ADIPOQ: variants seen among roughly 807,000 people sequenced by gnomAD.
ADIPOQ encodes adiponectin.
ADIPOQ carries 19 observed loss-of-function variants against 16.1 expected under a neutral mutation model. That is an observed-to-expected ratio of 1.18 (90% CI 0.82 to 1.73). The LOEUF (loss-of-function observed/expected upper bound fraction) is 1.73. Among genes scored for constraint, ADIPOQ ranks in the 40% most tolerant of loss-of-function variants. ADIPOQ has a pLI of 0.00. For synonymous variants in ADIPOQ, 124 were observed against 125.5 expected (o/e 0.99, Z 0.08); for missense variants, 323 against 308.3 (o/e 1.05, Z -0.36).
chr3:186,844,146 G>A (rs921679836), intron 1 of ADIPOQ, among the ~76,000 whole-genome samples: 3 of 152,136 alleles, frequency 2.0e-5, no homozygotes, highest in Non-Finnish European at 2.9e-5. Flanking sequence ...CAGGGAGCCC[G>A]GCAGCTTCCT....
In ADIPOQ at chr3:186,851,074, G is replaced by T. The variant is rs141087579; in HGVS notation, c.-8-1977G>T. 1.1e-3 allele frequency among the ~76,000 whole-genome samples: 168 copies of T among 152,256 alleles called. 1 individual carries two copies. Among genetic ancestry groups the T allele is most frequent in the Non-Finnish European group, 2.1e-3 (142 of 68,006 alleles). On this transcript the variant is annotated intron_variant, in intron 1 of 2. Coordinates refer to ENST00000320741, the MANE Select transcript of ADIPOQ (RefSeq NM_004797.4). ...AGGCCCATGTTTTTGGGGTGAGATT[G>T]CCAATCACGGTCTTTCTTCCATCCC...
intron 1 of ADIPOQ, among the ~76,000 whole-genome samples, chr3:186,843,903 G>A (rs74577862): frequency 0.019 from 2,859 of 152,202 alleles, 46 homozygotes; most frequent in South Asian, 0.054. Flanking sequence ...AGGGATTTTA[G>A]AGGTTAGGTC....
At chr3:186,844,102 G>A (rs1711516006) in intron 1 of ADIPOQ, among the ~76,000 whole-genome samples, 2 of 152,206 alleles carry the variant, frequency 1.3e-5, no homozygotes, top group African/African-American at 2.4e-5. Context: ...GGAGCATGAT[G>A]GTGTCAGCTT....
chr3:186,854,393 C>T lies in ADIPOQ; in HGVS notation c.424C>T (p.His142Tyr). ...CAAGATCTTCTACAATCAGCAAAACCACTATGATGGCTCCACTGGTAAATT... is the reference window on the plus strand; with the variant it reads ...CAAGATCTTCTACAATCAGCAAAACTACTATGATGGCTCCACTGGTAAATT... ...FTKIFYNQQNHYDGSTGKFHC... is the reference protein window; with the variant it reads ...FTKIFYNQQNYYDGSTGKFHC... Residue 142 changes from histidine (H) to tyrosine (Y), a missense_variant, in exon 3 of 3, where the codon CAC (histidine) becomes TAC (tyrosine). Physicochemically the swap from His to Tyr is moderately conservative, Grantham distance 83. Transcript: ENST00000320741. 1 of 1,614,224 alleles carries T rather than the reference C, an allele frequency of 6.2e-7. No homozygotes were observed. The highest frequency in any genetic ancestry group is 8.5e-7 in the Non-Finnish European group (1 of 1,180,038).
intron 1 of ADIPOQ, among the ~76,000 whole-genome samples, chr3:186,849,541 C>G (rs1711678068): frequency 6.6e-6 from 1 of 152,062 alleles, no homozygotes; most frequent in Non-Finnish European, 1.5e-5. Flanking sequence ...CTGAATTCTT[C>G]AAATTCAGTA....
At position 186,853,181 on chromosome 3, in the gene ADIPOQ, G is replaced by A. The variant is rs202071028; in HGVS notation, c.123G>A (p.Ala41=). ...AGGGGGCCTGCACAGGTTGGATGGC[G>A]GGCATCCCAGGGCATCCGGGCCATA... is the stretch of plus-strand genomic sequence containing the variant. ...LPKGACTGWM[A]GIPGHPGHNG... The change falls in exon 2 of 3, where the codon GCG becomes GCA. Residue 41 remains alanine, a synonymous_variant. Transcript: ENST00000320741. 87 of 1,614,022 alleles carry A rather than the reference G, an allele frequency of 5.4e-5. 1 individual carries two copies. Among genetic ancestry groups the A allele is most frequent in the Middle Eastern group, 1.6e-4 (1 of 6,062 alleles).
In ADIPOQ at chr3:186,853,167, A is replaced by G; in HGVS notation, c.109A>G (p.Thr37Ala). 1.2e-6 allele frequency: 2 copies of G among 1,614,196 alleles called. No homozygotes were observed. Among genetic ancestry groups the G allele is most frequent in the Non-Finnish European group, 1.7e-6 (2 of 1,180,012 alleles). Reference protein sequence around the residue: ...VLLPLPKGACTGWMAGIPGHP... With the variant: ...VLLPLPKGACAGWMAGIPGHP... ...GCTTCCCCTGCCCAAGGGGGCCTGC[A>G]CAGGTTGGATGGCGGGCATCCCAGG... The change falls in exon 2 of 3, where the codon ACA becomes GCA. Residue 37 changes from threonine (T) to alanine (A), a missense_variant. Physicochemically the swap from Thr to Ala is moderately conservative, Grantham distance 58. Coordinates refer to ENST00000320741, the MANE Select transcript of ADIPOQ (RefSeq NM_004797.4).
In ADIPOQ at chr3:186,854,316, G is replaced by C. The variant is rs746715860; in HGVS notation, c.347G>C (p.Ser116Thr). The change falls in exon 3 of 3, where the codon AGT becomes ACT. Residue 116 changes from serine to threonine, a missense_variant. By Grantham distance (58) the Ser-to-Thr change is moderately conservative. Coordinates refer to ENST00000320741, the MANE Select transcript of ADIPOQ (RefSeq NM_004797.4). ...EGAYVYRSAF[S>T]VGLETYVTIP... ...GCCTATGTATACCGCTCAGCATTCA[G>C]TGTGGGATTGGAGACTTACGTTACT... is the stretch of plus-strand genomic sequence containing the variant. The C allele has an allele frequency of 6.2e-7, 1 of 1,614,234 alleles. No homozygotes were observed. The highest frequency in any genetic ancestry group is 8.5e-7 in the Non-Finnish European group (1 of 1,180,042).
chr3:186,855,562 A>T lies in ADIPOQ; in HGVS notation c.*858A>T, dbSNP rs200054851. ...CTCCTTCTCCTGGGTCCAAGCAATT[A>T]TTGTGCCTCAGCCTCCCGAGTAGCT... On this transcript the variant is annotated 3_prime_UTR_variant, in exon 3 of 3. Coordinates refer to ENST00000320741, the MANE Select transcript of ADIPOQ (RefSeq NM_004797.4). 3.3e-5 allele frequency: 5 copies of T among 151,246 alleles called. No homozygotes were observed. Among genetic ancestry groups the T allele is most frequent in the Non-Finnish European group, 7.4e-5 (5 of 67,900 alleles). 9.4% of individuals were successfully genotyped at this position (151,246 alleles called of 1,614,324 possible). A position where few individuals can be genotyped will look rare whatever the true frequency, so the allele number is the denominator to read the frequency against.
At position 186,853,180 on chromosome 3, in the gene ADIPOQ, C is replaced by CGGGCATCCCA; in HGVS notation, c.131_140dup (p.Gly48ArgfsTer6). On this transcript the variant is annotated frameshift_variant, in exon 2 of 3. Coordinates refer to ENST00000320741, the MANE Select transcript of ADIPOQ (RefSeq NM_004797.4). LOFTEE classifies it high-confidence loss of function. ...AAGGGGGCCTGCACAGGTTGGATGGCGGGCATCCCAGGGCATCCGGGCCAT... is the reference window on the plus strand; with the variant it reads ...AAGGGGGCCTGCACAGGTTGGATGGCGGGCATCCCAGGGCATCCCAGGGCATCCGGGCCAT... 6.2e-7 allele frequency: 1 copy of CGGGCATCCCA among 1,614,034 alleles called. No individual in the cohort carries two copies. Among genetic ancestry groups the CGGGCATCCCA allele is most frequent in the South Asian group, 1.1e-5 (1 of 91,076 alleles).
At chr3:186,848,346 A>C (rs1467196486) in intron 1 of ADIPOQ, among the ~76,000 whole-genome samples, 1 of 151,884 alleles carries the variant, frequency 6.6e-6, no homozygotes, top group African/African-American at 2.4e-5. Context: ...AAAGTGTAAC[A>C]ATGGCAATAT....
intron 1 of ADIPOQ, among the ~76,000 whole-genome samples, chr3:186,851,362 T>C (rs906938794): frequency 1.3e-5 from 2 of 152,106 alleles, no homozygotes; most frequent in African/African-American, 4.8e-5. Context: ...TTCTCCCAAC[T>C]CCTTGGTGAG....
chr3:186,857,380 A>C lies in ADIPOQ; in HGVS notation c.*2676A>C, dbSNP rs1022202403. 3.9e-5 allele frequency: 6 copies of C among 152,250 alleles called. No individual in the cohort carries two copies. Among genetic ancestry groups the C allele is most frequent in the African/African-American group, 1.4e-4 (6 of 41,452 alleles). The allele number at this position is 152,250 out of a possible 1,614,324, so 9.4% of individuals were successfully genotyped here. ...TAGATGCAAAATAATACCTGTCCAC[A>C]ACAAACTCTTAATGCTGTGTTTGAG... On this transcript the variant is annotated 3_prime_UTR_variant, in exon 3 of 3. Coordinates refer to ENST00000320741, the MANE Select transcript of ADIPOQ (RefSeq NM_004797.4).
chr3:186,854,584 G>A lies in ADIPOQ; in HGVS notation c.615G>A (p.Leu205=), dbSNP rs146595368. 1.1e-5 allele frequency: 18 copies of A among 1,614,086 alleles called. No individual in the cohort carries two copies. In the African/African-American group the frequency reaches 1.9e-4, roughly 17 times the overall value. ...DQASGSVLLH[L]EVGDQVWLQV... is the part of the protein sequence containing the mutation. ...CCTCCGGCTCTGTGCTCCTGCATCT[G>A]GAGGTGGGCGACCAAGTCTGGCTCC... Residue 205 remains leucine, a synonymous_variant, in exon 3 of 3, where the codon CTG becomes CTA. Transcript: ENST00000320741.
chr3:186,853,087 T>C lies in ADIPOQ; in HGVS notation c.29T>C (p.Leu10Pro). The C allele has an allele frequency of 6.2e-7, 1 of 1,614,170 alleles. No individual in the cohort carries two copies. Among genetic ancestry groups the C allele is most frequent in the Non-Finnish European group, 8.5e-7 (1 of 1,180,016 alleles). The change falls in exon 2 of 3, where the codon CTA becomes CCA. Residue 10 changes from leucine to proline, a missense_variant. Transcript: ENST00000320741. Reference protein sequence around the residue: MLLLGAVLLLLALPGHDQET... With the variant: MLLLGAVLLPLALPGHDQET... Reference sequence around the variant, plus strand: ...CTGTTGCTGGGAGCTGTTCTACTGCTATTAGCTCTGCCCGGTCATGACCAG... The same window carrying C: ...CTGTTGCTGGGAGCTGTTCTACTGCCATTAGCTCTGCCCGGTCATGACCAG...
chr3:186,850,555 C>G (rs537393214), intron 1 of ADIPOQ, among the ~76,000 whole-genome samples: 1 of 152,006 alleles, frequency 6.6e-6, no homozygotes, highest in Non-Finnish European at 1.5e-5. Context: ...TTGGGGAAAG[C>G]TACATGCCTA....
Sources: allele counts gnomAD v4.1 joint callset (sites outside exome capture counted in the v4.1 genomes callset), GRCh38; gene constraint gnomAD v4.1.1; transcripts MANE v1.5; gene names NCBI Gene and HGNC (gene_info 2026-07-23, HGNC 2026-07-21).